The following CACNB2 variants were observed in gnomAD, a reference collection of about 807,000 sequenced individuals.
CACNB2 encodes calcium voltage-gated channel auxiliary subunit beta 2, also known as voltage-dependent L-type calcium channel subunit beta-2.
In CACNB2, 42 loss-of-function variants were observed where a neutral mutation model predicts 73.3. That is an observed-to-expected ratio of 0.57 (90% CI 0.45 to 0.74). CACNB2 has a LOEUF of 0.74. Ranked by LOEUF, CACNB2 falls within the 30% of genes least tolerant of loss-of-function variation. The pLI is 0.00. For synonymous variants in CACNB2, 348 were observed against 310.3 expected, an observed-to-expected ratio of 1.12 and a Z score of -1.28; for missense variants, 940 against 853.0, an observed-to-expected ratio of 1.10 and a Z score of -1.27.
chr10:18,317,232 C>CT (rs201433717), intron 2 of CACNB2, among the ~76,000 whole-genome samples: 3,825 of 147,440 alleles, frequency 0.026, 98 homozygotes, highest in Admixed American at 0.091. Flanking sequence ...TTTTCCCTAG[C>CT]TTTTTTTTTT....
chr10:18,237,291 A>G (rs2131483069), intron 2 of CACNB2, among the ~76,000 whole-genome samples: 1 of 152,344 alleles, frequency 6.6e-6, no homozygotes, highest in East Asian at 1.9e-4. Context: ...TCATCAAATT[A>G]AGATTAGATT....
At chr10:18,161,167 A>C (rs1400150003) in intron 2 of CACNB2, among the ~76,000 whole-genome samples, 1 of 152,172 alleles carries the variant, frequency 6.6e-6, no homozygotes, top group Non-Finnish European at 1.5e-5. Flanking sequence ...ATTTAGGAAA[A>C]TGTAGTAAAA....
chr10:18,349,551 C>T (rs1564457783), intron 2 of CACNB2, among the ~76,000 whole-genome samples: 1 of 152,114 alleles, frequency 6.6e-6, no homozygotes, highest in Non-Finnish European at 1.5e-5. Context: ...AAATTGATGA[C>T]AATCTGCTAG....
intron 3 of CACNB2, among the ~76,000 whole-genome samples, chr10:18,435,896 T>G (rs2046112639): frequency 6.6e-6 from 1 of 152,168 alleles, no homozygotes; most frequent in Non-Finnish European, 1.5e-5. Context: ...ATTATTGAGA[T>G]CTACACAGAG....
intron 2 of CACNB2, among the ~76,000 whole-genome samples, chr10:18,257,508 TACACTATAGAA>T (rs994656648): frequency 1.3e-5 from 2 of 152,216 alleles, no homozygotes; most frequent in African/African-American, 4.8e-5. Context: ...CTTCTTCGTA[TACACTATAGAA>T]ACACAATTTG....
intron 3 of CACNB2, among the ~76,000 whole-genome samples, chr10:18,440,852 A>G (rs544366047): frequency 1.3e-5 from 2 of 152,202 alleles, no homozygotes; most frequent in South Asian, 4.1e-4. Context: ...AAGGTCACAC[A>G]GGGACTTGCA....
At chr10:18,247,564 A>T (rs1279180778) in intron 2 of CACNB2, among the ~76,000 whole-genome samples, 2 of 152,186 alleles carry the variant, frequency 1.3e-5, no homozygotes, top group Admixed American at 1.3e-4. Flanking sequence ...CTTAAAAAAA[A>T]AATCATACTG....
chr10:18,396,892 G>C (rs1376293775), intron 2 of CACNB2, among the ~76,000 whole-genome samples: 1 of 152,150 alleles, frequency 6.6e-6, no homozygotes. Flanking sequence ...ATGAGTTATA[G>C]CTTTGTCTAG....
At chr10:18,345,400 T>G (rs773810122) in intron 2 of CACNB2, among the ~76,000 whole-genome samples, 2 of 152,250 alleles carry the variant, frequency 1.3e-5, no homozygotes, top group Non-Finnish European at 2.9e-5. Context: ...GGATTACTAC[T>G]GAAGGTGAAT....
intron 2 of CACNB2, among the ~76,000 whole-genome samples, chr10:18,286,283 A>G (rs534425059): frequency 1.7e-4 from 26 of 152,042 alleles, no homozygotes; most frequent in African/African-American, 5.1e-4. Context: ...TTGGGAGGCC[A>G]AGGCGGGCGG....
chr10:18,277,911 T>A (rs1395013510), intron 2 of CACNB2, among the ~76,000 whole-genome samples: 1 of 152,228 alleles, frequency 6.6e-6, no homozygotes, highest in East Asian at 1.9e-4. Flanking sequence ...TATGGGAATT[T>A]GTCTGGGAAC....
intron 2 of CACNB2, among the ~76,000 whole-genome samples, chr10:18,277,275 C>T (rs988956336): frequency 1.3e-5 from 2 of 152,164 alleles, no homozygotes; most frequent in African/African-American, 2.4e-5. Context: ...GGAGGAGTGG[C>T]CTATAAAGGC....
chr10:18,480,863 C>T lies in CACNB2; in HGVS notation c.334-17492C>T, dbSNP rs541683586. 2.9e-3 allele frequency among the ~76,000 whole-genome samples: 445 copies of T among 152,116 alleles called. 2 individuals carry two copies. Among genetic ancestry groups the T allele is most frequent in the African/African-American group, 0.01 (425 of 41,520 alleles). ...ACACTTTTTCTAACCACATAGGAGA[C>T]TTACATAAACATCTTTTGGTCAATA... On this transcript the variant is annotated intron_variant, in intron 3 of 13. Transcript: ENST00000324631.
At chr10:18,388,696 C>T (rs947019725) in intron 2 of CACNB2, among the ~76,000 whole-genome samples, 6 of 152,100 alleles carry the variant, frequency 3.9e-5, no homozygotes, top group African/African-American at 1.4e-4. Flanking sequence ...ATTATTTAAG[C>T]AATCATAGGA....
At chr10:18,222,637 G>A (rs982157317) in intron 2 of CACNB2, among the ~76,000 whole-genome samples, 1 of 152,180 alleles carries the variant, frequency 6.6e-6, no homozygotes, top group Non-Finnish European at 1.5e-5. Flanking sequence ...AGCACATTGA[G>A]CATAAAAGAT....
At chr10:18,206,181 A>G (rs11012995) in intron 2 of CACNB2, 9,223 of 152,260 alleles carry the variant, frequency 0.061, 654 homozygotes, top group African/African-American at 0.16. Context: ...TAGTAGAGAC[A>G]AGGTTTCGCT....
intron 2 of CACNB2, among the ~76,000 whole-genome samples, chr10:18,226,027 T>C (rs1053630036): frequency 1.4e-5 from 2 of 139,118 alleles, no homozygotes; most frequent in African/African-American, 6.7e-5. Flanking sequence ...TTTCTTTTCT[T>C]TTCTTTTTTT....
At chr10:18,225,582 TTC>T (rs1588756665) in intron 2 of CACNB2, among the ~76,000 whole-genome samples, 1 of 11,288 alleles carries the variant, frequency 8.9e-5, no homozygotes, top group East Asian at 1.6e-3. Flanking sequence ...CCCTCGCTCC[TTC>T]CTTCCTTCCT....
intron 3 of CACNB2, among the ~76,000 whole-genome samples, chr10:18,490,372 C>T (rs1031361573): frequency 6.6e-6 from 1 of 152,172 alleles, no homozygotes; most frequent in Non-Finnish European, 1.5e-5. Flanking sequence ...AGCATGTGCT[C>T]ATACGTCATG....
Sources: gnomAD v4.1 joint callset for allele counts (sites outside exome capture counted in the v4.1 genomes callset) on GRCh38, gnomAD v4.1.1 for gene constraint, MANE v1.5 for transcripts, NCBI Gene and HGNC (gene_info 2026-07-23, HGNC 2026-07-21) for gene names.